The following BEST3 variants were observed in gnomAD, a reference collection of about 807,000 sequenced individuals.
The protein encoded by BEST3 is bestrophin-3.
A neutral mutation model predicts 47.1 loss-of-function variants in BEST3; 50 were observed. The observed-to-expected ratio is 1.06, with a 90% CI of 0.85 to 1.34. The LOEUF (loss-of-function observed/expected upper bound fraction) is 1.34, where lower values mean the gene tolerates loss of function less well. BEST3 is among the 40% of genes most tolerant of loss of function. The probability of loss-of-function intolerance (pLI) is 0.00; values close to 1 mark genes in which losing one functional copy is unlikely to be tolerated. For missense variants in BEST3, 765 were observed against 817.0 expected, an observed-to-expected ratio of 0.94 and a Z score of 0.78; for synonymous variants, 282 against 298.8, an observed-to-expected ratio of 0.94 and a Z score of 0.58.
At chr12:69,652,975 C>T (rs966930923), downstream of BEST3, among the ~76,000 whole-genome samples, 2 of 152,180 alleles carry the variant, frequency 1.3e-5, no homozygotes, top group Non-Finnish European at 2.9e-5. Context: ...ACATAGAGAA[C>T]CATCAAGGTA....
intron 2 of BEST3, among the ~76,000 whole-genome samples, chr12:69,696,044 C>A (rs566722003): frequency 6.6e-6 from 1 of 151,902 alleles, no homozygotes; most frequent in African/African-American, 2.4e-5. Flanking sequence ...TAATTATGTA[C>A]CTATAATAGA....
intron 4 of BEST3, among the ~76,000 whole-genome samples, chr12:69,692,961 C>G (rs1424849558): frequency 6.6e-6 from 1 of 152,162 alleles, no homozygotes; most frequent in East Asian, 1.9e-4. Flanking sequence ...CAGGGTTTCA[C>G]CATGTTGGCC....
chr12:69,655,566 AGGTGGGT>A lies in BEST3; in HGVS notation c.1341_1347del (p.Pro448GlyfsTer35). The A allele has an allele frequency of 6.2e-7, 1 of 1,613,996 alleles. No individual in the cohort carries two copies. Among genetic ancestry groups the A allele is most frequent in the South Asian group, 1.1e-5 (1 of 91,056 alleles). ...CCTTCTGGGAAGCAGGATTTCTTCC[AGGTGGGT>A]GAGGCCCTGGGGGGGTTTCTTGAGG... is the stretch of plus-strand genomic sequence containing the variant. On this transcript the variant is annotated frameshift_variant, in exon 10 of 10. Transcript: ENST00000330891. LOFTEE classifies it low-confidence loss of function (END_TRUNC).
At chr12:69,662,784 A>G (rs1266142901) in intron 9 of BEST3, among the ~76,000 whole-genome samples, 1 of 152,186 alleles carries the variant, frequency 6.6e-6, no homozygotes, top group Non-Finnish European at 1.5e-5. Context: ...GAACATTTTG[A>G]CATAATTATT....
intron 9 of BEST3, among the ~76,000 whole-genome samples, chr12:69,671,161 GAATT>G (rs1884545368): frequency 6.6e-6 from 1 of 152,030 alleles, no homozygotes; most frequent in Admixed American, 6.6e-5. Context: ...TAATTTTCGT[GAATT>G]AATTAATTAT....
intron 9 of BEST3, among the ~76,000 whole-genome samples, chr12:69,666,056 G>A (rs2135944495): frequency 6.6e-6 from 1 of 152,164 alleles, no homozygotes; most frequent in East Asian, 1.9e-4. Context: ...GTCTCGCTCT[G>A]TCACCCAAAC....
At position 69,656,067 on chromosome 12, in the gene BEST3, T is replaced by C. The variant is rs570607534; in HGVS notation, c.1101-254A>G. On this transcript the variant is annotated intron_variant, in intron 9 of 9. Transcript: ENST00000330891. ...TTATATCTATTACTCTTTACTGTAT[T>C]TAAAATTATAACTGTGGAATGTCTG... Among the ~76,000 whole-genome samples, 72 of 152,302 alleles carry C rather than the reference T, an allele frequency of 4.7e-4. No individual in the cohort carries two copies. The South Asian group carries it at 0.015, about 32-fold the overall frequency.
chr12:69,679,005 T>C, intron 4 of BEST3, 112 bp from the exon 5 acceptor site: 4 of 902,310 alleles, frequency 4.4e-6, no homozygotes, highest in Non-Finnish European at 4.9e-6. Flanking sequence ...TAAAGAAATA[T>C]GGAATAAAGC....
At chr12:69,677,323 G>T in intron 5 of BEST3, 66 bp from the exon 6 acceptor site, 1 of 1,359,232 alleles carries the variant, frequency 7.4e-7, no homozygotes, top group Non-Finnish European at 1.0e-6. Context: ...TACTTACTGG[G>T]ACTCAGAATG....
At position 69,694,559 on chromosome 12, in the gene BEST3, A is replaced by T. The variant is rs967964186; in HGVS notation, c.153-95T>A. The T allele has an allele frequency of 2.0e-5, 11 of 545,258 alleles. No individual in the cohort carries two copies. The East Asian group carries it at 3.9e-4, about 19-fold the overall frequency. 33.8% of individuals were successfully genotyped at this position (545,258 alleles called of 1,614,324 possible). ...AAGTGCAAACAATTAAGCACAAATAATCTTTTATTTTTGAAGGATCAATAA... is the reference window on the plus strand; with the variant it reads ...AAGTGCAAACAATTAAGCACAAATATTCTTTTATTTTTGAAGGATCAATAA... On this transcript the variant is annotated intron_variant, in intron 2 of 9. Transcript: ENST00000330891.
At chr12:69,680,310 C>CTTCTTCTTTTTTTTTTTT (rs763385722) in intron 4 of BEST3, among the ~76,000 whole-genome samples, 6 of 95,032 alleles carry the variant, frequency 6.3e-5, no homozygotes, top group South Asian at 3.7e-4. Context: ...TACACTTGAT[C>CTTCTTCTTTTTTTTTTTT]TTTTTTTTTT....
chr12:69,677,049 T>C lies in BEST3; in HGVS notation c.734A>G (p.Tyr245Cys), dbSNP rs760469467. 3.7e-6 allele frequency: 6 copies of C among 1,614,016 alleles called. No individual in the cohort carries two copies. The South Asian group carries it at 5.5e-5, about 15-fold the overall frequency. The change falls in exon 7 of 10, where the codon TAT becomes TGT. Residue 245 changes from tyrosine (Y) to cysteine (C), a missense_variant. By Grantham distance (194) the Tyr-to-Cys change is radical. Transcript: ENST00000330891. ...VYTQVVTLAV[Y>C]TFFFACLIGR... ...AATCAGGCACGCAAAGAAGAAGGTA[T>C]AGACAGCAAGAGTGACAACCTGGAA...
intron 8 of BEST3, 74 bp from the exon 9 acceptor site, chr12:69,671,653 T>C: frequency 7.0e-7 from 1 of 1,427,788 alleles, no homozygotes; most frequent in Admixed American, 1.7e-5. Context: ...TTTGGGCAGA[T>C]GAGAGTTAGA....
At position 69,654,884 on chromosome 12, in the gene BEST3, C is replaced by T; in HGVS notation, c.*23G>A. 6.3e-7 allele frequency: 1 copy of T among 1,592,582 alleles called. No homozygotes were observed. Among genetic ancestry groups the T allele is most frequent in the Non-Finnish European group, 8.6e-7 (1 of 1,167,970 alleles). On this transcript the variant is annotated 3_prime_UTR_variant, in exon 10 of 10. Transcript: ENST00000330891. ...GGGAGGTAAGAATCTAGGCTAGAAC[C>T]AGGTCCTAGAACTTGGTGGCACTCA...
intron 9 of BEST3, among the ~76,000 whole-genome samples, chr12:69,648,530 G>A (rs560801882): frequency 2.6e-4 from 39 of 152,236 alleles, no homozygotes; most frequent in African/African-American, 9.4e-4. Flanking sequence ...CAAACTCAGG[G>A]GCAAACATGA....
intron 9 of BEST3, among the ~76,000 whole-genome samples, chr12:69,663,688 T>C (rs1884006844): frequency 6.6e-6 from 1 of 151,764 alleles, no homozygotes; most frequent in South Asian, 2.1e-4. Context: ...AGGCATGGTG[T>C]CATGCACTTG....
At chr12:69,687,103 G>C (rs914553242) in intron 4 of BEST3, among the ~76,000 whole-genome samples, 2 of 152,192 alleles carry the variant, frequency 1.3e-5, no homozygotes, top group Non-Finnish European at 2.9e-5. Flanking sequence ...TTTTACCAAA[G>C]TTCCTGAGTT....
intron 7 of BEST3, among the ~76,000 whole-genome samples, chr12:69,673,599 A>C (rs1884716046): frequency 2.0e-5 from 3 of 151,936 alleles, no homozygotes; most frequent in Non-Finnish European, 4.4e-5. Flanking sequence ...TATCACATCC[A>C]GCTAATTTTT....
chr12:69,659,276 C>T (rs969192553), intron 9 of BEST3, among the ~76,000 whole-genome samples: 2 of 152,184 alleles, frequency 1.3e-5, no homozygotes, highest in Non-Finnish European at 2.9e-5. Context: ...TCATCTCCTC[C>T]TTTCTCTGGT....
Sources: gnomAD v4.1 joint callset for allele counts (sites outside exome capture counted in the v4.1 genomes callset) on GRCh38, gnomAD v4.1.1 for gene constraint, MANE v1.5 for transcripts, NCBI Gene and HGNC (gene_info 2026-07-23, HGNC 2026-07-21) for gene names.